The following KIF1A variants were observed in gnomAD, a reference collection of about 807,000 sequenced individuals.
KIF1A encodes the protein kinesin family member 1A, also known as kinesin-like protein KIF1A.
KIF1A carries 46 observed loss-of-function variants against 227.3 expected under a neutral mutation model. That is an observed-to-expected ratio of 0.20 (90% CI 0.16 to 0.26). KIF1A has a LOEUF of 0.26. Among genes scored for constraint, KIF1A ranks in the 10% least tolerant of loss-of-function variants. KIF1A has a pLI of 1.00. For missense variants in KIF1A, 1,683 were observed against 2,485.9 expected, an observed-to-expected ratio of 0.68 and a Z score of 6.87; for synonymous variants, 1,022 against 1,012.8, an observed-to-expected ratio of 1.01 and a Z score of -0.17.
intron 10 of KIF1A, chr2:240,782,280 C>T: frequency 1.2e-6 from 1 of 858,618 alleles, no homozygotes; most frequent in Non-Finnish European, 1.4e-6. Context: ...AGGGGCTCCT[C>T]CGCGCCCCTT....
At chr2:240,787,087 G>A (rs915318636) in intron 5 of KIF1A, among the ~76,000 whole-genome samples, 164 bp downstream of exon 5, 1 of 152,132 alleles carries the variant, frequency 6.6e-6, no homozygotes, top group Non-Finnish European at 1.5e-5. Context: ...TGGGGGTCTC[G>A]AGCCCTGCCC....
intron 2 of KIF1A, among the ~76,000 whole-genome samples, chr2:240,796,760 G>A (rs543656304): frequency 1.9e-4 from 29 of 152,236 alleles, no homozygotes; most frequent in Middle Eastern, 3.4e-3. Context: ...CAGAGGGCCC[G>A]AGCAGAGCCC....
intron 1 of KIF1A, among the ~76,000 whole-genome samples, chr2:240,801,197 A>C (rs1445366232): frequency 1.3e-5 from 2 of 152,208 alleles, no homozygotes; most frequent in Admixed American, 1.3e-4. Flanking sequence ...CAGATCTAGG[A>C]GTTATTAAAC....
rs565518552 is a variant in KIF1A, at chr2:240,752,676, C to T, written c.2859-2129G>A. Among the ~76,000 whole-genome samples, 120 of 152,180 alleles carry T rather than the reference C, an allele frequency of 7.9e-4. No homozygotes were observed. The highest frequency in any genetic ancestry group is 1.1e-3 in the Admixed American group (17 of 15,304). On this transcript the variant is annotated intron_variant, in intron 27 of 48. Transcript: ENST00000498729. The surrounding 1 kb of genome is among the most constrained non-coding windows in gnomAD (Gnocchi z 6.4). Reference sequence around the variant, plus strand: ...CAGCCCATGCTGTGGGGCTCTGAGCCAGCCCCTGCCCTCCAGCCCCCACCC... The same window carrying T: ...CAGCCCATGCTGTGGGGCTCTGAGCTAGCCCCTGCCCTCCAGCCCCCACCC...
rs371810115 is a variant in KIF1A at position 240,719,078 on chromosome 2, G to A, written c.5142C>T (p.Thr1714=). The A allele has an allele frequency of 2.0e-5, 32 of 1,612,268 alleles. No individual in the cohort carries two copies. Among genetic ancestry groups the A allele is most frequent in the African/African-American group, 1.2e-4 (9 of 74,914 alleles). The change falls in exon 47 of 49, where the codon ACC becomes ACT. Residue 1714 remains threonine, a synonymous_variant. Transcript: ENST00000498729. ...YAYMYNSDKD[T]VERFVLNLAT... is the part of the protein sequence containing the mutation. ...CCAGGTTGAGCACGAACCGCTCCAC[G>A]GTGTCCTTGTCGCTGTTGTACATGT...
chr2:240,752,540 G>A lies in KIF1A; in HGVS notation c.2859-1993C>T, dbSNP rs1352986402. 2.6e-5 allele frequency among the ~76,000 whole-genome samples: 4 copies of A among 152,126 alleles called. No homozygotes were observed. Among genetic ancestry groups the A allele is most frequent in the Non-Finnish European group, 5.9e-5 (4 of 68,016 alleles). On this transcript the variant is annotated intron_variant, in intron 27 of 48. Transcript: ENST00000498729. The surrounding 1 kb of genome is among the most constrained non-coding windows in gnomAD (Gnocchi z 6.4). ...GCTGCTACAAACTGAGCAAAGCTAA[G>A]TTGTCCAGGAGTGGGGGTGGGGAGA...
In KIF1A at chr2:240,797,700, C is replaced by T. The variant is rs1056534650; in HGVS notation, c.53G>A (p.Arg18Gln). 1.5e-5 allele frequency: 24 copies of T among 1,612,856 alleles called. No homozygotes were observed. The highest frequency in any genetic ancestry group is 1.9e-5 in the Non-Finnish European group (23 of 1,179,766). ...VAVRVRPFNS[R>Q]EMSRDSKCII... The stretch of plus-strand genomic sequence containing the variant: ...GCACTTGGAGTCACGGCTCATTTCC[C>T]GGGAATTGAAGGGGCGGACCCGCAC... The change falls in exon 2 of 49, where the codon CGG (arginine) becomes CAG (glutamine). Residue 18 changes from arginine (R) to glutamine (Q), a missense_variant. By Grantham distance (43) the Arg-to-Gln change is conservative. Transcript: ENST00000498729.
intron 2 of KIF1A, among the ~76,000 whole-genome samples, chr2:240,795,249 C>A (rs2056229820): frequency 6.6e-6 from 1 of 152,172 alleles, no homozygotes; most frequent in African/African-American, 2.4e-5. Context: ...AGGCTGCTGG[C>A]ACATAGGCGA....
At chr2:240,724,131 A>C in intron 40 of KIF1A, 95 bp from the exon 41 acceptor site, 1 of 1,068,730 alleles carries the variant, frequency 9.4e-7, no homozygotes, top group Non-Finnish European at 1.5e-6. Context: ...TATCAAACGC[A>C]CAGTCAGCCT....
intron 9 of KIF1A, 90 bp from the exon 10 acceptor site, chr2:240,782,697 G>C: frequency 1.5e-6 from 2 of 1,352,832 alleles, no homozygotes; most frequent in South Asian, 1.3e-5. Flanking sequence ...CGGCTGCCTC[G>C]CCCTGGCCAT....
At chr2:240,787,381 G>T (rs2055076424) in intron 4 of KIF1A, 65 bp from the exon 5 acceptor site, 2 of 1,425,928 alleles carry the variant, frequency 1.4e-6, no homozygotes, top group Non-Finnish European at 2.0e-6. Flanking sequence ...CCTGCCCCTT[G>T]CGATACTGTG....
At chr2:240,774,321 C>T (rs2052437447) in intron 11 of KIF1A, 60 bp from the exon 12 acceptor site, 13 of 1,134,056 alleles carry the variant, frequency 1.1e-5, no homozygotes, top group Admixed American at 3.6e-5. Flanking sequence ...GCTATGTCTG[C>T]TCCCCCCTTC....
chr2:240,748,990 G>A (rs756533178), intron 28 of KIF1A, among the ~76,000 whole-genome samples: 4 of 152,118 alleles, frequency 2.6e-5, no homozygotes, highest in Non-Finnish European at 2.9e-5. Context: ...GCGTGATGAC[G>A]CACCCCTGTA....
intron 10 of KIF1A, among the ~76,000 whole-genome samples, chr2:240,776,303 C>T (rs1327091894): frequency 6.6e-6 from 1 of 152,224 alleles, no homozygotes; most frequent in Non-Finnish European, 1.5e-5. Context: ...CCTCGAACAC[C>T]ATCAGCGACT....
At chr2:240,751,707 C>T (rs989426146) in intron 27 of KIF1A, among the ~76,000 whole-genome samples, 1 of 152,176 alleles carries the variant, frequency 6.6e-6, no homozygotes, top group African/African-American at 2.4e-5. Flanking sequence ...CCCTTGGTGA[C>T]ACTCAAGCTC....
rs2050141310 is a variant in KIF1A at position 240,758,570 on chromosome 2, C to T, written c.2445-73G>A. The T allele has an allele frequency of 1.4e-6, 2 of 1,417,896 alleles. No individual in the cohort carries two copies. Among genetic ancestry groups the T allele is most frequent in the African/African-American group, 2.9e-5 (2 of 69,560 alleles). 87.8% of individuals were successfully genotyped at this position (1,417,896 alleles called of 1,614,324 possible). ...AGCTGGCACCGCACACCCTTATCTC[C>T]TGGGGACAGTGGGCTCAGCCTAGCT... On this transcript the variant is annotated intron_variant, in intron 25 of 48. Coordinates refer to ENST00000498729, the MANE Select transcript of KIF1A (RefSeq NM_001244008.2). The surrounding 1 kb of genome is among the most constrained non-coding windows in gnomAD (Gnocchi z 5.2).
At position 240,719,102 on chromosome 2, in the gene KIF1A, G is replaced by A. The variant is rs746765984; in HGVS notation, c.5118C>T (p.Tyr1706=). Residue 1706 remains tyrosine (Y), a synonymous_variant, in exon 47 of 49, where the codon TAC becomes TAT. Transcript: ENST00000498729. ...RFVVVRRPYA[Y]MYNSDKDTVE... Reference sequence around the variant, plus strand: ...CGGTGTCCTTGTCGCTGTTGTACATGTAGGCATAGGGGCGCCGCACCACCA... The same window carrying A: ...CGGTGTCCTTGTCGCTGTTGTACATATAGGCATAGGGGCGCCGCACCACCA... The A allele has an allele frequency of 2.4e-5, 38 of 1,612,564 alleles. No individual in the cohort carries two copies. Among genetic ancestry groups the A allele is most frequent in the Non-Finnish European group, 3.1e-5 (36 of 1,179,788 alleles).
intron 38 of KIF1A, among the ~76,000 whole-genome samples, chr2:240,731,788 A>G (rs1367338064): frequency 6.6e-6 from 1 of 152,088 alleles, no homozygotes; most frequent in African/African-American, 2.4e-5. Flanking sequence ...CTCTGGCTCC[A>G]GAACCAGGGC....
chr2:240,774,285 G>T, intron 11 of KIF1A, 24 bp from the exon 12 acceptor site: 2 of 1,543,268 alleles, frequency 1.3e-6, no homozygotes, highest in Non-Finnish European at 1.8e-6. Flanking sequence ...ACCAGGTTGT[G>T]CCCAGAGGGG....
Sources: allele counts gnomAD v4.1 joint callset (sites outside exome capture counted in the v4.1 genomes callset), GRCh38; gene constraint gnomAD v4.1.1; non-coding constraint Gnocchi (gnomAD v3.1); transcripts MANE v1.5; gene names NCBI Gene and HGNC (gene_info 2026-07-23, HGNC 2026-07-21).